The following GRIN3A variants were observed in gnomAD, a reference collection of about 807,000 sequenced individuals.
GRIN3A encodes the protein glutamate receptor ionotropic, NMDA 3A.
Under a neutral mutation model 92.4 loss-of-function variants are expected in GRIN3A, and 47 were observed. That is an observed-to-expected ratio of 0.51 (90% confidence interval 0.40 to 0.65). GRIN3A has a LOEUF of 0.65. GRIN3A is among the 30% of genes least tolerant of loss of function. GRIN3A has a pLI of 0.00. For missense variants in GRIN3A, 1,324 were observed against 1,393.1 expected (o/e 0.95, Z 0.79); for synonymous variants, 527 against 540.6 (o/e 0.97, Z 0.35).
Position 101,737,299 on chromosome 9 carries a change from C to T in GRIN3A, c.681G>A (p.Glu227=), listed in dbSNP as rs1267775433. ...HIPVISIVRH[E]FPRESQNPLH... ...CTCTCACCTGACTCTCCCGTGGAAACTCGTGGCGCACGATGCTGATCACTG... is the reference window on the plus strand; with the variant it reads ...CTCTCACCTGACTCTCCCGTGGAAATTCGTGGCGCACGATGCTGATCACTG... The change falls in exon 1 of 9, where the codon GAG becomes GAA. Residue 227 remains glutamate (E), a synonymous_variant. Transcript: ENST00000361820. 1 of 1,614,064 alleles carries T rather than the reference C, an allele frequency of 6.2e-7. No homozygotes were observed. Among genetic ancestry groups the T allele is most frequent in the Non-Finnish European group, 8.5e-7 (1 of 1,180,020 alleles).
At chr9:101,595,239 C>G (rs1288856542) in intron 6 of GRIN3A, among the ~76,000 whole-genome samples, 1 of 151,948 alleles carries the variant, frequency 6.6e-6, no homozygotes, top group Non-Finnish European at 1.5e-5. Context: ...GCTGCCCCTT[C>G]TCTTTTTCCT....
chr9:101,642,972 G>T (rs564063640), intron 3 of GRIN3A, among the ~76,000 whole-genome samples: 1 of 152,148 alleles, frequency 6.6e-6, no homozygotes, highest in Admixed American at 6.5e-5. Context: ...GTATCATAAT[G>T]TAGAAATTAT....
intron 2 of GRIN3A, among the ~76,000 whole-genome samples, chr9:101,685,666 T>C (rs1172201011): frequency 1.3e-5 from 2 of 151,730 alleles, no homozygotes; most frequent in Non-Finnish European, 2.9e-5. Context: ...CTGAATCATA[T>C]TGAGGAACCG....
chr9:101,736,425 T>A (rs917303337), intron 1 of GRIN3A, among the ~76,000 whole-genome samples: 1 of 151,826 alleles, frequency 6.6e-6, no homozygotes, highest in African/African-American at 2.4e-5. Context: ...AACGTTAAGT[T>A]CACAAATAGC....
intron 2 of GRIN3A, among the ~76,000 whole-genome samples, chr9:101,682,656 A>C (rs1829472773): frequency 6.6e-6 from 1 of 152,188 alleles, no homozygotes. Context: ...ATAATATTCC[A>C]CCAATAATTG....
At chr9:101,634,332 CAAAAA>C (rs10664535) in intron 3 of GRIN3A, among the ~76,000 whole-genome samples, 1 of 68,738 alleles carries the variant, frequency 1.5e-5, no homozygotes, top group Non-Finnish European at 2.6e-5. Context: ...GACTCCGTCT[CAAAAA>C]AAAAAAAAAA....
In GRIN3A at chr9:101,737,990, C is replaced by G. The variant is rs1373764782; in HGVS notation, c.-11G>C. 1.2e-5 allele frequency: 19 copies of G among 1,532,180 alleles called. No homozygotes were observed. Among genetic ancestry groups the G allele is most frequent in the Non-Finnish European group, 1.6e-5 (18 of 1,145,238 alleles). The allele number at this position is 1,532,180 out of a possible 1,614,324, so 94.9% of individuals were successfully genotyped here. On this transcript the variant is annotated 5_prime_UTR_variant, in exon 1 of 9. Coordinates refer to ENST00000361820, the MANE Select transcript of GRIN3A (RefSeq NM_133445.3). ...ACTCAGTCTCCTCATTACTGAGACC[C>G]GCAGGGAGAAAGCGCGCCCCCTCCT...
At chr9:101,723,098 C>G (rs767789231) in intron 1 of GRIN3A, among the ~76,000 whole-genome samples, 2 of 152,170 alleles carry the variant, frequency 1.3e-5, no homozygotes, top group Non-Finnish European at 2.9e-5. Context: ...GGGGGCCAGT[C>G]TTTCCCATGC....
chr9:101,588,579 A>G (rs1274580080), intron 6 of GRIN3A, among the ~76,000 whole-genome samples: 1 of 152,170 alleles, frequency 6.6e-6, no homozygotes, highest in Non-Finnish European at 1.5e-5. Context: ...AAAATTTATT[A>G]TTAAAACGAC....
intron 6 of GRIN3A, among the ~76,000 whole-genome samples, chr9:101,595,330 T>TC (rs994834738): frequency 4.0e-5 from 6 of 151,750 alleles, no homozygotes; most frequent in Admixed American, 1.3e-4. Flanking sequence ...TTTTTTTTTT[T>TC]TCTCTGAGAA....
intron 6 of GRIN3A, among the ~76,000 whole-genome samples, chr9:101,597,720 T>A (rs1828155758): frequency 6.6e-6 from 1 of 152,198 alleles, no homozygotes; most frequent in South Asian, 2.1e-4. Flanking sequence ...AGCAGATAAT[T>A]GAAGAGAAAG....
chr9:101,689,778 A>T (rs1039402689), intron 1 of GRIN3A, among the ~76,000 whole-genome samples: 1 of 151,610 alleles, frequency 6.6e-6, no homozygotes, highest in Non-Finnish European at 1.5e-5. Flanking sequence ...ACACACAAAG[A>T]TTATGAAAAC....
chr9:101,646,274 T>C (rs975997549), intron 3 of GRIN3A, among the ~76,000 whole-genome samples: 7 of 151,918 alleles, frequency 4.6e-5, no homozygotes, highest in African/African-American at 1.7e-4. Flanking sequence ...GGGTCTAGTT[T>C]TATTCTTCTC....
intron 2 of GRIN3A, among the ~76,000 whole-genome samples, chr9:101,679,304 G>A (rs989948852): frequency 3.9e-5 from 6 of 152,104 alleles, no homozygotes; most frequent in African/African-American, 1.2e-4. Flanking sequence ...CAAGAATACA[G>A]TTCCTTCTCG....
intron 3 of GRIN3A, among the ~76,000 whole-genome samples, chr9:101,631,553 G>A (rs1025910201): frequency 3.3e-5 from 5 of 152,074 alleles, no homozygotes; most frequent in African/African-American, 9.7e-5. Context: ...CCAGCACATC[G>A]TTCCTTTCCA....
At chr9:101,713,831 T>A (rs1411364816) in intron 1 of GRIN3A, among the ~76,000 whole-genome samples, 1 of 152,088 alleles carries the variant, frequency 6.6e-6, no homozygotes, top group Non-Finnish European at 1.5e-5. Flanking sequence ...ATCCCAGCAC[T>A]TTGGGAGGCA....
chr9:101,680,049 T>C (rs1829448851), intron 2 of GRIN3A, among the ~76,000 whole-genome samples: 1 of 152,312 alleles, frequency 6.6e-6, no homozygotes, highest in South Asian at 2.1e-4. Context: ...TTAGATAAAC[T>C]GGTTTAAATC....
At chr9:101,648,357 G>C (rs1412303597) in intron 3 of GRIN3A, among the ~76,000 whole-genome samples, 1 of 151,886 alleles carries the variant, frequency 6.6e-6, no homozygotes, top group South Asian at 2.1e-4. Context: ...CTAAAATTTT[G>C]TTGACTTGTT....
chr9:101,738,376 G>T lies in GRIN3A; in HGVS notation c.-397C>A, dbSNP rs1830247353. The T allele has an allele frequency of 3.8e-6, 1 of 264,340 alleles. No homozygotes were observed. 16.4% of individuals were successfully genotyped at this position (264,340 alleles called of 1,614,324 possible). A position where few individuals can be genotyped will look rare whatever the true frequency, so the allele number is the denominator to read the frequency against. On this transcript the variant is annotated 5_prime_UTR_variant, in exon 1 of 9. In the 5' UTR this introduces an upstream ATG that the reference lacks. Transcript: ENST00000361820. ...GAGTTCCTCGGGGGCAGCAGTGACA[G>T]AGGAGCGACGCGCTCTCGCCTGGAT... is the stretch of plus-strand genomic sequence containing the variant.
Sources: gnomAD v4.1 joint callset for allele counts (sites outside exome capture counted in the v4.1 genomes callset) on GRCh38, gnomAD v4.1.1 for gene constraint, MANE v1.5 for transcripts, NCBI Gene and HGNC (gene_info 2026-07-23, HGNC 2026-07-21) for gene names.